The following KCNK2 variants were observed in gnomAD, a reference collection of about 807,000 sequenced individuals.
The protein encoded by KCNK2 is potassium two pore domain channel subfamily K member 2.
Under a neutral mutation model 40.5 loss-of-function variants are expected in KCNK2, and 21 were observed. The observed-to-expected ratio is 0.52, with a 90% CI of 0.37 to 0.75. KCNK2 has a LOEUF of 0.75. KCNK2 is among the 30% of genes least tolerant of loss of function. The probability of loss-of-function intolerance (pLI) is 0.00; values close to 1 mark genes in which losing one functional copy is unlikely to be tolerated. For synonymous variants in KCNK2, 191 were observed against 202.2 expected (o/e 0.94, Z 0.47); for missense variants, 399 against 531.6 (o/e 0.75, Z 2.45).
intron 1 of KCNK2, among the ~76,000 whole-genome samples, chr1:215,014,704 C>T (rs1382632038): frequency 6.6e-6 from 1 of 152,002 alleles, no homozygotes; most frequent in Non-Finnish European, 1.5e-5. Flanking sequence ...CATTCTCACC[C>T]CACTGTAATC....
chr1:215,126,910 A>T (rs1175749867), intron 3 of KCNK2, among the ~76,000 whole-genome samples: 3 of 152,168 alleles, frequency 2.0e-5, no homozygotes, highest in African/African-American at 7.2e-5. Context: ...GGTCAACACC[A>T]TGTCCTCTAA....
intron 1 of KCNK2, among the ~76,000 whole-genome samples, chr1:215,071,929 G>A (rs1658768581): frequency 6.6e-6 from 1 of 152,202 alleles, no homozygotes; most frequent in African/African-American, 2.4e-5. Context: ...ACTTGTGCAA[G>A]TGCAAGGTTA....
intron 3 of KCNK2, among the ~76,000 whole-genome samples, chr1:215,142,931 A>G (rs1662246537): frequency 1.3e-5 from 2 of 152,166 alleles, no homozygotes; most frequent in South Asian, 4.1e-4. Context: ...GGTAGTCATC[A>G]TAGCTGTGAA....
intron 6 of KCNK2, among the ~76,000 whole-genome samples, chr1:215,208,067 C>T (rs1397663137): frequency 6.6e-6 from 1 of 152,140 alleles, no homozygotes; most frequent in Non-Finnish European, 1.5e-5. Context: ...AAAACACATG[C>T]AAGTGAATGT....
At chr1:215,043,858 A>G (rs1169761656) in intron 1 of KCNK2, among the ~76,000 whole-genome samples, 2 of 152,190 alleles carry the variant, frequency 1.3e-5, no homozygotes, top group African/African-American at 4.8e-5. Flanking sequence ...AGTAAACAAA[A>G]AGTTAGATTC....
At chr1:215,066,226 G>T (rs1437390202) in intron 1 of KCNK2, among the ~76,000 whole-genome samples, 1 of 152,004 alleles carries the variant, frequency 6.6e-6, no homozygotes, top group Admixed American at 6.6e-5. Context: ...TAACAAACCT[G>T]CATGTTCTGC....
At chr1:215,157,596 T>C (rs993696225) in intron 3 of KCNK2, among the ~76,000 whole-genome samples, 7 of 152,224 alleles carry the variant, frequency 4.6e-5, no homozygotes, top group Admixed American at 3.9e-4. Flanking sequence ...ATGAATACCT[T>C]ATTTTAAGAG....
intron 2 of KCNK2, among the ~76,000 whole-genome samples, chr1:215,118,058 A>G (rs573319709): frequency 5.8e-4 from 89 of 152,238 alleles, no homozygotes; most frequent in African/African-American, 2.0e-3. Flanking sequence ...GTGGTTCCTC[A>G]TTGTTTCAAA....
chr1:215,061,468 T>G (rs1373274643), intron 1 of KCNK2, among the ~76,000 whole-genome samples: 1 of 152,096 alleles, frequency 6.6e-6, no homozygotes, highest in African/African-American at 2.4e-5. Context: ...GGTTCAGAAA[T>G]AAGACTATCA....
chr1:215,124,157 A>G (rs1250341619), intron 2 of KCNK2, among the ~76,000 whole-genome samples: 1 of 152,190 alleles, frequency 6.6e-6, no homozygotes, highest in Non-Finnish European at 1.5e-5. Flanking sequence ...TTTATGATAT[A>G]GGCTTGGTAC....
chr1:215,216,981 G>A (rs1289230202), intron 6 of KCNK2, among the ~76,000 whole-genome samples: 6 of 152,318 alleles, frequency 3.9e-5, no homozygotes, highest in East Asian at 1.9e-4. Flanking sequence ...TCCTAGAAAC[G>A]TTATGGTCTG....
chr1:215,091,548 A>G (rs1659694190), intron 2 of KCNK2, among the ~76,000 whole-genome samples: 2 of 152,260 alleles, frequency 1.3e-5, no homozygotes, highest in African/African-American at 2.4e-5. Flanking sequence ...CATTTGTTGA[A>G]TGCCTACTGT....
At chr1:215,137,873 C>T (rs1661998934) in intron 3 of KCNK2, among the ~76,000 whole-genome samples, 2 of 152,202 alleles carry the variant, frequency 1.3e-5, no homozygotes, top group East Asian at 3.9e-4. Flanking sequence ...GTTTGTGACT[C>T]AATTTTTATG....
chr1:215,043,168 G>A (rs1657624675), intron 1 of KCNK2, among the ~76,000 whole-genome samples: 1 of 152,190 alleles, frequency 6.6e-6, no homozygotes, highest in South Asian at 2.1e-4. Flanking sequence ...TAGAAAAGAT[G>A]TGGAGAAGCT....
chr1:215,108,279 A>T (rs543454199), intron 2 of KCNK2, among the ~76,000 whole-genome samples: 95 of 152,222 alleles, frequency 6.2e-4, no homozygotes, highest in East Asian at 7.8e-4. Flanking sequence ...TGTTATAAGT[A>T]ATCTAGAGAT....
At position 215,010,851 on chromosome 1, in the gene KCNK2, AT is replaced by A. The variant is rs66945279; in HGVS notation, c.34+4914del. The stretch of plus-strand genomic sequence containing the variant: ...AGGATTGTCTGCTCACAGGACACAG[AT>A]TTTTTTTTTTTTTTTTTGTGTGTGT... On this transcript the variant is annotated intron_variant, in intron 1 of 6. Transcript: ENST00000391895. Among the ~76,000 whole-genome samples the A allele has an allele frequency of 7.9e-3, 994 of 125,404 alleles. 7 individuals are homozygous for A. Among genetic ancestry groups the A allele is most frequent in the Middle Eastern group, 0.012 (3 of 246 alleles). The allele number at this position is 125,404 out of a possible 152,430, so 82.3% of individuals were successfully genotyped here.
At chr1:215,007,161 G>GTA (rs1192422828) in intron 1 of KCNK2, among the ~76,000 whole-genome samples, 25 of 88,586 alleles carry the variant, frequency 2.8e-4, no homozygotes, top group South Asian at 2.1e-3. Context: ...ATATATGTAT[G>GTA]TATATATATA....
chr1:215,167,651 G>T (rs1334714370), intron 3 of KCNK2, among the ~76,000 whole-genome samples: 1 of 151,836 alleles, frequency 6.6e-6, no homozygotes, highest in Non-Finnish European at 1.5e-5. Context: ...ATTGCTTTTT[G>T]GTAAATATTG....
At chr1:215,170,821 C>T (rs1398316529) in intron 4 of KCNK2, among the ~76,000 whole-genome samples, 1 of 152,050 alleles carries the variant, frequency 6.6e-6, no homozygotes, top group Non-Finnish European at 1.5e-5. Flanking sequence ...ATTCATTCAA[C>T]AAATTTTTTA....
Sources: gnomAD v4.1 joint callset for allele counts (sites outside exome capture counted in the v4.1 genomes callset) on GRCh38, gnomAD v4.1.1 for gene constraint, MANE v1.5 for transcripts, NCBI Gene and HGNC (gene_info 2026-07-23, HGNC 2026-07-21) for gene names.